Variants in AKAP12 observed in about 807,000 individuals in gnomAD.
The protein encoded by AKAP12 is A-kinase anchor protein 12.
In AKAP12, 32 loss-of-function variants were observed where a neutral mutation model predicts 79.9. That is an observed-to-expected ratio of 0.40 (90% CI 0.30 to 0.54). The LOEUF is 0.54. AKAP12 is among the 20% of genes least tolerant of loss of function. The pLI, the probability that AKAP12 is intolerant of heterozygous loss-of-function variation, is 0.48. For synonymous variants in AKAP12, 808 were observed against 857.0 expected, an observed-to-expected ratio of 0.94 and a Z score of 1.00; for missense variants, 2,074 against 2,177.0, an observed-to-expected ratio of 0.95 and a Z score of 0.94.
intron 2 of AKAP12, among the ~76,000 whole-genome samples, chr6:151,300,747 GT>G: frequency 6.6e-6 from 1 of 151,576 alleles, no homozygotes; most frequent in Non-Finnish European, 1.5e-5. Flanking sequence ...AGCTTGTTTA[GT>G]TGTAATGTGG....
intron 2 of AKAP12, among the ~76,000 whole-genome samples, chr6:151,247,928 G>A (rs189301272): frequency 2.3e-3 from 353 of 152,256 alleles, no homozygotes; most frequent in Non-Finnish European, 4.3e-3. Flanking sequence ...TGTCTTCCCT[G>A]TGATTTCTCT....
At chr6:151,290,365 A>G (rs545859186) in intron 2 of AKAP12, among the ~76,000 whole-genome samples, 43 of 152,208 alleles carry the variant, frequency 2.8e-4, no homozygotes, top group Middle Eastern at 6.8e-3. Context: ...ACTGAGACAG[A>G]CAGAATGGAG....
rs1170711926 is a variant in AKAP12, at chr6:151,358,091, G to A, written c.*2377G>A. On this transcript the variant is annotated 3_prime_UTR_variant, in exon 5 of 5. Transcript: ENST00000402676. ...TCCGTTGAGAACATTATTTTAACAA[G>A]AAGAACACCAACAGTAGCATGAAAT... 6.6e-6 allele frequency: 1 copy of A among 152,154 alleles called. No homozygotes were observed. The highest frequency in any genetic ancestry group is 1.5e-5 in the Non-Finnish European group (1 of 68,020). The allele number at this position is 152,154 out of a possible 1,614,324, so 9.4% of individuals were successfully genotyped here.
chr6:151,348,697 C>CCCCCCCTTTTT lies in AKAP12; in HGVS notation c.320-14_320-13insCCCCCCTTTTT. ...TTCTCTTCTCCCCACCCCCCCGCCC[C>CCCCCCCTTTTT]TTTTTGTTAATAGTTGGACAGAGAG... On this transcript the variant is annotated splice_polypyrimidine_tract_variant and intron_variant, in intron 3 of 4. Coordinates refer to ENST00000402676, the MANE Select transcript of AKAP12 (RefSeq NM_005100.4). 1.5e-6 allele frequency: 1 copy of CCCCCCCTTTTT among 650,664 alleles called. No homozygotes were observed. The highest frequency in any genetic ancestry group is 2.4e-6 in the Non-Finnish European group (1 of 420,006). The allele number at this position is 650,664 out of a possible 1,614,324, so 40.3% of individuals were successfully genotyped here. A position where few individuals can be genotyped will look rare whatever the true frequency, so the allele number is the denominator to read the frequency against.
chr6:151,341,218 A>ATTTG (rs1288346520), intron 3 of AKAP12, among the ~76,000 whole-genome samples: 6 of 151,702 alleles, frequency 4.0e-5, no homozygotes, highest in African/African-American at 1.5e-4. Flanking sequence ...CGCCCGGCTA[A>ATTTG]TTTGTTTGTA....
Position 151,351,166 on chromosome 6 carries a change from A to G in AKAP12, c.2775A>G (p.Val925=), listed in dbSNP as rs767734648. The G allele has an allele frequency of 6.2e-7, 1 of 1,614,134 alleles. No homozygotes were observed. The highest frequency in any genetic ancestry group is 1.3e-5 in the African/African-American group (1 of 74,946). The change falls in exon 4 of 5, where the codon GTA becomes GTG. Residue 925 remains valine (V), a synonymous_variant. Coordinates refer to ENST00000402676, the MANE Select transcript of AKAP12 (RefSeq NM_005100.4). This position sits in a 1 kb window ranked among gnomAD's most constrained non-coding sequence, Gnocchi z 4.4. ...CAGTGACAGAACCTCTTGAACAAGT[A>G]GAAGCTGAAGCCGCACTGTTAACTG... is the stretch of plus-strand genomic sequence containing the variant. The part of the protein sequence containing the change: ...SASVTEPLEQ[V]EAEAALLTEE...
intron 2 of AKAP12, among the ~76,000 whole-genome samples, chr6:151,248,888 G>A (rs948759113): frequency 6.6e-6 from 1 of 152,054 alleles, no homozygotes; most frequent in Non-Finnish European, 1.5e-5. Context: ...TCGGGAGGCT[G>A]AGGCAGGAGA....
rs1381312701 is a variant in AKAP12, at chr6:151,352,383, C to A, written c.3992C>A (p.Ser1331Tyr). The A allele has an allele frequency of 6.2e-7, 1 of 1,614,144 alleles. No individual in the cohort carries two copies. Among genetic ancestry groups the A allele is most frequent in the South Asian group, 1.1e-5 (1 of 91,078 alleles). Reference protein sequence around the residue: ...ELQSHAKSPPSPVEREMVVQV... With the variant: ...ELQSHAKSPPYPVEREMVVQV... ...CAGAGTCACGCTAAGTCTCCTCCAT[C>A]CCCCGTGGAGAGAGAGATGGTAGTT... The change falls in exon 4 of 5, where the codon TCC (serine) becomes TAC (tyrosine). Residue 1331 changes from serine to tyrosine, a missense_variant. Physicochemically the swap from Ser to Tyr is moderately radical, Grantham distance 144. Around this residue, in one of 3 missense-constraint regions of AKAP12, gnomAD observed 614 missense variants for 665.6 expected, o/e 0.92. Transcript: ENST00000402676.
intron 3 of AKAP12, chr6:151,341,864 G>C (rs1470482835): frequency 1.7e-6 from 2 of 1,171,560 alleles, no homozygotes; most frequent in Non-Finnish European, 2.2e-6. Flanking sequence ...GGCGCGCAGG[G>C]ACAGGTCGGG....
Position 151,348,720 on chromosome 6 carries a change from G to C in AKAP12, c.329G>C (p.Arg110Thr). Residue 110 changes from arginine (R) to threonine (T), a missense_variant, in exon 4 of 5, where the codon AGA (arginine) becomes ACA (threonine). This residue lies in a region of AKAP12 where 1,428 missense variants were observed against 1,451.0 expected (regional missense o/e 0.98). Coordinates refer to ENST00000402676, the MANE Select transcript of AKAP12 (RefSeq NM_005100.4). The part of the protein sequence containing the change: ...EEVIVTEVGQ[R>T]DSEDVSKRDS... ...CCCTTTTTGTTAATAGTTGGACAGA[G>C]AGACTCTGAAGATGTGAGCAAAAGA... 3.0e-6 allele frequency: 4 copies of C among 1,313,264 alleles called. No homozygotes were observed. Among genetic ancestry groups the C allele is most frequent in the Middle Eastern group, 4.0e-4 (2 of 5,026 alleles). 81.4% of individuals were successfully genotyped at this position (1,313,264 alleles called of 1,614,324 possible).
chr6:151,313,275 A>T (rs1199902510), intron 3 of AKAP12, among the ~76,000 whole-genome samples: 2 of 152,210 alleles, frequency 1.3e-5, no homozygotes, highest in African/African-American at 2.4e-5. Flanking sequence ...ATCAAACACA[A>T]GTGCCCAATA....
chr6:151,292,831 CT>C (rs1776649517), intron 2 of AKAP12, among the ~76,000 whole-genome samples: 1 of 152,174 alleles, frequency 6.6e-6, no homozygotes, highest in Admixed American at 6.5e-5. Context: ...GGGAGAAGAG[CT>C]TTTTATGAGA....
chr6:151,324,551 C>T (rs1468046365), intron 3 of AKAP12: 1 of 985,300 alleles, frequency 1.0e-6, no homozygotes, highest in Non-Finnish European at 1.2e-6. Flanking sequence ...AGGCTCCCCT[C>T]CCTCCTCCCT....
rs950092565 is a variant in AKAP12, at chr6:151,350,698, A to G, written c.2307A>G (p.Arg769=). The change falls in exon 4 of 5, where the codon AGA becomes AGG. Residue 769 remains arginine, a synonymous_variant. Transcript: ENST00000402676. This position sits in a 1 kb window ranked among gnomAD's most constrained non-coding sequence, Gnocchi z 4.8. The stretch of plus-strand genomic sequence containing the variant: ...CATTTAAAAGGTTAGTCACGCCAAG[A>G]AAAAAATCAAAGTCCAAGCTGGAAG... ...WESFKRLVTP[R]KKSKSKLEEK... is the part of the protein sequence containing the mutation. The G allele has an allele frequency of 1.9e-6, 3 of 1,613,680 alleles. No homozygotes were observed. Among genetic ancestry groups the G allele is most frequent in the Admixed American group, 1.7e-5 (1 of 59,870 alleles).
chr6:151,262,445 G>A (rs1040186165), intron 2 of AKAP12, among the ~76,000 whole-genome samples: 23 of 152,270 alleles, frequency 1.5e-4, no homozygotes, highest in African/African-American at 5.1e-4. Flanking sequence ...CACACCTTGG[G>A]TGTCCTCTAA....
At position 151,349,492 on chromosome 6, in the gene AKAP12, G is replaced by A. The variant is rs1030495101; in HGVS notation, c.1101G>A (p.Glu367=). ...AGGAGCCGGCAGAAAGTGCCCACGA[G>A]CCCCGGTTATCAGCTGAATATGAGA... ...HPQEPAESAH[E]PRLSAEYEKV... Residue 367 remains glutamate, a synonymous_variant, in exon 4 of 5, where the codon GAG becomes GAA. Transcript: ENST00000402676. 1.2e-6 allele frequency: 2 copies of A among 1,608,284 alleles called. No homozygotes were observed. The highest frequency in any genetic ancestry group is 1.1e-5 in the South Asian group (1 of 90,824).
Position 151,349,624 on chromosome 6 carries a change from C to T in AKAP12, c.1233C>T (p.His411=). 5 of 1,612,542 alleles carry T rather than the reference C, an allele frequency of 3.1e-6. No individual in the cohort carries two copies. Among genetic ancestry groups the T allele is most frequent in the Non-Finnish European group, 4.2e-6 (5 of 1,179,592 alleles). ...TEVFDEKIEV[H]QEEVVAEVHV... is the part of the protein sequence containing the mutation. ...TGTTTGATGAGAAAATAGAAGTCCA[C>T]CAAGAAGAGGTTGTGGCCGAAGTCC... Residue 411 remains histidine, a synonymous_variant, in exon 4 of 5, where the codon CAC becomes CAT. Transcript: ENST00000402676.
intron 2 of AKAP12, among the ~76,000 whole-genome samples, chr6:151,241,009 G>A (rs893945148): frequency 6.6e-6 from 1 of 152,194 alleles, no homozygotes; most frequent in African/African-American, 2.4e-5. Context: ...CCTGCCCACG[G>A]CGGCTGAGCC....
chr6:151,324,495 T>TC (rs1777476743), intron 3 of AKAP12: 2 of 985,424 alleles, frequency 2.0e-6, no homozygotes, highest in African/African-American at 3.5e-5. Context: ...ATTCTCCTGT[T>TC]CCTCGCCCAC....
Sources: allele counts gnomAD v4.1 joint callset (sites outside exome capture counted in the v4.1 genomes callset), GRCh38; gene constraint gnomAD v4.1.1; regional missense constraint gnomAD v4.1.1; non-coding constraint Gnocchi (gnomAD v3.1); transcripts MANE v1.5; gene names NCBI Gene and HGNC (gene_info 2026-07-23, HGNC 2026-07-21).